MYO7A: variants seen among roughly 807,000 people sequenced by gnomAD.
The protein encoded by MYO7A is unconventional myosin-VIIa.
MYO7A carries 210 observed loss-of-function variants against 263.8 expected under a neutral mutation model. That is an observed-to-expected ratio of 0.80 (90% CI 0.71 to 0.89). The LOEUF (loss-of-function observed/expected upper bound fraction) is 0.89, where lower values mean the gene tolerates loss of function less well. Among genes scored for constraint, MYO7A ranks in the 40% least tolerant of loss-of-function variants. The pLI is 0.00. For missense variants in MYO7A, 2,820 were observed against 2,968.3 expected (o/e 0.95, Z 1.16); for synonymous variants, 1,239 against 1,197.3 (o/e 1.03, Z -0.72).
rs1956833956 is a variant in MYO7A at position 77,198,475 on chromosome 11, G to A, written c.4442-20G>A. 6.2e-7 allele frequency: 1 copy of A among 1,611,276 alleles called. No homozygotes were observed. The highest frequency in any genetic ancestry group is 1.3e-5 in the African/African-American group (1 of 74,900). On this transcript the variant is annotated intron_variant, in intron 33 of 48. Coordinates refer to ENST00000409709, the MANE Select transcript of MYO7A (RefSeq NM_000260.4). ...CTGGGTGTGGGAGGCCTGCCTCTCA[G>A]TGCCTTGGTCTCGTCCCAGGCCCCA...
Position 77,155,852 on chromosome 11 carries a change from G to A in MYO7A, c.286-55G>A, listed in dbSNP as rs1591264774. The A allele has an allele frequency of 1.0e-5, 15 of 1,493,736 alleles. No individual in the cohort carries two copies. In the East Asian group the frequency reaches 3.4e-4, roughly 34 times the overall value. 92.5% of individuals were successfully genotyped at this position (1,493,736 alleles called of 1,614,324 possible). On this transcript the variant is annotated intron_variant, in intron 4 of 48. Transcript: ENST00000409709. ...CAGGGCAGAGCCCAAGAGCTTTCTA[G>A]AGTCAGAGTCTCCCACATGGAATCA... is the stretch of plus-strand genomic sequence containing the variant.
At chr11:77,146,385 G>A (rs768635616) in intron 3 of MYO7A, among the ~76,000 whole-genome samples, 56 of 152,318 alleles carry the variant, frequency 3.7e-4, no homozygotes, top group Middle Eastern at 3.4e-3. Flanking sequence ...CCCAGGGGAC[G>A]AGGGATTTGA....
At position 77,156,058 on chromosome 11, in the gene MYO7A, A is replaced by C; in HGVS notation, c.437A>C (p.Lys146Thr). 2 of 1,613,932 alleles carry C rather than the reference A, an allele frequency of 1.2e-6. No homozygotes were observed. The highest frequency in any genetic ancestry group is 1.7e-6 in the Non-Finnish European group (2 of 1,179,888). The change falls in exon 5 of 49, where the codon AAA becomes ACA. Residue 146 changes from lysine (K) to threonine (T), a missense_variant. By Grantham distance (78) the Lys-to-Thr change is moderately conservative. Transcript: ENST00000409709. ...AIADNCYFNM[K>T]RNSRDQCCII... ...GCTGACAACTGCTACTTCAACATGA[A>C]ACGCAACAGCCGAGACCAGTGCTGC...
At chr11:77,201,780 T>G in intron 36 of MYO7A, 142 bp downstream of exon 36, 1 of 878,934 alleles carries the variant, frequency 1.1e-6, no homozygotes, top group Non-Finnish European at 1.6e-6. Flanking sequence ...CATTTAAAGT[T>G]GGGGCAGTGC....
At chr11:77,189,207 A>G in intron 27 of MYO7A, 137 bp from the exon 28 acceptor site, 2 of 1,290,112 alleles carry the variant, frequency 1.6e-6, no homozygotes, top group East Asian at 5.1e-5. Flanking sequence ...ACCCAGCCTC[A>G]CTCTGCCTCC....
Position 77,155,927 on chromosome 11 carries a change from G to A in MYO7A, c.306G>A (p.Leu102=). ...HLIYTYTGSI[L]VAVNPYQLLS... ...CGCAGACGTATACGGGCTCCATCCT[G>A]GTGGCTGTGAACCCCTACCAGCTGC... The change falls in exon 5 of 49, where the codon CTG becomes CTA. Residue 102 remains leucine (L), a synonymous_variant. Coordinates refer to ENST00000409709, the MANE Select transcript of MYO7A (RefSeq NM_000260.4). The A allele has an allele frequency of 6.2e-7, 1 of 1,607,804 alleles. No homozygotes were observed. The highest frequency in any genetic ancestry group is 8.5e-7 in the Non-Finnish European group (1 of 1,176,456).
At chr11:77,193,586 T>C (rs186809967) in intron 31 of MYO7A, among the ~76,000 whole-genome samples, 59 of 152,190 alleles carry the variant, frequency 3.9e-4, no homozygotes, top group African/African-American at 1.2e-3. Context: ...GTGGTGATGA[T>C]AATGGTGGTA....
chr11:77,194,024 T>C, intron 31 of MYO7A: 2 of 535,934 alleles, frequency 3.7e-6, no homozygotes, highest in Non-Finnish European at 7.2e-6. Context: ...CTGGTCGCTG[T>C]CTCACAGGGC....
intron 2 of MYO7A, among the ~76,000 whole-genome samples, chr11:77,136,458 C>T (rs1950907145): frequency 6.6e-6 from 1 of 152,168 alleles, no homozygotes; most frequent in Admixed American, 6.5e-5. Context: ...CTTTAGCCAC[C>T]AGCCGCCAGA....
chr11:77,199,430 A>G, intron 34 of MYO7A, 105 bp from the exon 35 acceptor site: 1 of 1,266,480 alleles, frequency 7.9e-7, no homozygotes, highest in Non-Finnish European at 1.0e-6. Flanking sequence ...GCCATGCCTG[A>G]CTCTGGCCAG....
intron 38 of MYO7A, among the ~76,000 whole-genome samples, chr11:77,203,627 T>G (rs1957230691): frequency 6.6e-6 from 1 of 152,108 alleles, no homozygotes; most frequent in Non-Finnish European, 1.5e-5. Context: ...TAAGTACGAC[T>G]TAGCCAGGCA....
At position 77,211,486 on chromosome 11, in the gene MYO7A, C is replaced by T. The variant is rs1040467395; in HGVS notation, c.6237+149C>T. The stretch of plus-strand genomic sequence containing the variant: ...ATGAGGCCGCCCACCCTTGTTCCTC[C>T]ACCTGCCTTATCCTTCAGTCCTCCA... On this transcript the variant is annotated intron_variant, in intron 45 of 48. Transcript: ENST00000409709. The T allele has an allele frequency of 2.9e-5, 27 of 915,704 alleles. No homozygotes were observed. The East Asian group carries it at 6.4e-4, about 22-fold the overall frequency. The allele number at this position is 915,704 out of a possible 1,614,324, so 56.7% of individuals were successfully genotyped here.
At chr11:77,136,196 A>G (rs184166688) in intron 2 of MYO7A, among the ~76,000 whole-genome samples, 26 of 152,186 alleles carry the variant, frequency 1.7e-4, no homozygotes, top group Admixed American at 1.3e-3. Flanking sequence ...TTATTCTTTC[A>G]TCATTTTAAA....
At chr11:77,167,627 G>A (rs1343495772) in intron 15 of MYO7A, among the ~76,000 whole-genome samples, 2 of 152,144 alleles carry the variant, frequency 1.3e-5, no homozygotes, top group Non-Finnish European at 2.9e-5. Flanking sequence ...CTTAGCAACA[G>A]CATGGTGCTG....
chr11:77,195,152 C>A (rs1956542496), intron 32 of MYO7A, among the ~76,000 whole-genome samples: 1 of 152,102 alleles, frequency 6.6e-6, no homozygotes, highest in Non-Finnish European at 1.5e-5. Context: ...AGACCCGGAT[C>A]TCACCCCTCC....
In MYO7A at chr11:77,154,204, T is replaced by C. The variant is rs372676520; in HGVS notation, c.286-1703T>C. Reference sequence around the variant, plus strand: ...TAGTCTTTACAACAGCCAAGGGAGGTGGGTGTTAACCTCCCCTTTTACAAA... The same window carrying C: ...TAGTCTTTACAACAGCCAAGGGAGGCGGGTGTTAACCTCCCCTTTTACAAA... On this transcript the variant is annotated intron_variant, in intron 4 of 48. Transcript: ENST00000409709. 5.3e-5 allele frequency among the ~76,000 whole-genome samples: 8 copies of C among 151,980 alleles called. No homozygotes were observed. The East Asian group carries it at 1.4e-3, about 26-fold the overall frequency.
intron 41 of MYO7A, among the ~76,000 whole-genome samples, chr11:77,206,627 T>A (rs1957461775): frequency 6.6e-6 from 1 of 152,128 alleles, no homozygotes; most frequent in South Asian, 2.1e-4. Flanking sequence ...CCACCTGAGG[T>A]GGTTGAGGTT....
Position 77,162,319 on chromosome 11 carries a change from A to C in MYO7A, c.1543A>C (p.Lys515Gln), listed in dbSNP as rs782023308. Residue 515 changes from lysine (K) to glutamine (Q), a missense_variant, in exon 13 of 49, where the codon AAG (lysine) becomes CAG (glutamine). Physicochemically the swap from Lys to Gln is moderately conservative, Grantham distance 53. Coordinates refer to ENST00000409709, the MANE Select transcript of MYO7A (RefSeq NM_000260.4). ...NIISLIDEES[K>Q]FPKGTDTTML... ...CATCTCCCTCATCGATGAGGAGAGC[A>C]AGTTCCCCAAGGTGGGCCGGTCCTG... 9.9e-5 allele frequency: 154 copies of C among 1,551,642 alleles called. 1 individual carries two copies. In the South Asian group the frequency reaches 1.7e-3, roughly 17 times the overall value.
chr11:77,144,647 T>G (rs1951442731), intron 3 of MYO7A, among the ~76,000 whole-genome samples: 1 of 147,234 alleles, frequency 6.8e-6, no homozygotes, highest in African/African-American at 2.5e-5. Flanking sequence ...CTCTTACCCC[T>G]CTGTCTGCCC....
Sources: allele counts gnomAD v4.1 joint callset (sites outside exome capture counted in the v4.1 genomes callset), GRCh38; gene constraint gnomAD v4.1.1; transcripts MANE v1.5; gene names NCBI Gene and HGNC (gene_info 2026-07-23, HGNC 2026-07-21).